Variants in MAGI2 observed in about 807,000 individuals in gnomAD.
MAGI2 encodes the protein membrane associated guanylate kinase, WW and PDZ domain containing 2, also known as membrane-associated guanylate kinase, WW and PDZ domain-containing protein 2.
A neutral mutation model predicts 133.3 loss-of-function variants in MAGI2; 35 were observed. The observed-to-expected ratio is 0.26, with a 90% CI of 0.20 to 0.35. MAGI2 has a LOEUF of 0.35. Ranked by LOEUF, MAGI2 falls within the 10% of genes least tolerant of loss-of-function variation. The pLI, the probability that MAGI2 is intolerant of heterozygous loss-of-function variation, is 1.00. For synonymous variants in MAGI2, 729 were observed against 710.6 expected (o/e 1.03, Z -0.41); for missense variants, 1,636 against 1,863.4 (o/e 0.88, Z 2.25).
chr7:79,302,396 T>C (rs2129559802), intron 1 of MAGI2, among the ~76,000 whole-genome samples: 1 of 152,256 alleles, frequency 6.6e-6, no homozygotes, highest in Non-Finnish European at 1.5e-5. Context: ...GCAGACATGA[T>C]ATCTTTTTTC....
intron 1 of MAGI2, among the ~76,000 whole-genome samples, chr7:79,045,073 T>C (rs1286164400): frequency 2.0e-5 from 3 of 152,210 alleles, no homozygotes; most frequent in Admixed American, 1.3e-4. Flanking sequence ...ATGAAGTACT[T>C]CTCAGGAACA....
intron 3 of MAGI2, among the ~76,000 whole-genome samples, chr7:78,601,002 AATATG>A (rs1156630292): frequency 6.6e-6 from 1 of 152,182 alleles, no homozygotes; most frequent in Non-Finnish European, 1.5e-5. Flanking sequence ...AACTTTTAAA[AATATG>A]TTATTTTGTC....
intron 1 of MAGI2, among the ~76,000 whole-genome samples, chr7:79,239,871 G>A (rs758993796): frequency 1.4e-4 from 21 of 152,100 alleles, no homozygotes; most frequent in Non-Finnish European, 2.8e-4. Flanking sequence ...CTTTTTCCAG[G>A]TGGCCCTCCT....
intron 1 of MAGI2, among the ~76,000 whole-genome samples, chr7:79,010,377 G>T (rs1202863612): frequency 2.0e-5 from 3 of 151,980 alleles, no homozygotes; most frequent in African/African-American, 7.2e-5. Flanking sequence ...CAGACATTGG[G>T]CAATGATGTC....
chr7:79,385,814 C>T (rs943461970), intron 1 of MAGI2, among the ~76,000 whole-genome samples: 30 of 151,858 alleles, frequency 2.0e-4, no homozygotes, highest in Admixed American at 5.3e-4. Context: ...TATTAGGGAT[C>T]TTTGTTAAAT....
intron 1 of MAGI2, among the ~76,000 whole-genome samples, chr7:79,357,924 T>C (rs1439894248): frequency 6.6e-6 from 1 of 152,172 alleles, no homozygotes; most frequent in Non-Finnish European, 1.5e-5. Flanking sequence ...CAAATAAAAT[T>C]ATTAAGCTGG....
intron 9 of MAGI2, among the ~76,000 whole-genome samples, chr7:78,310,667 T>C (rs565881056): frequency 5.3e-5 from 8 of 152,090 alleles, no homozygotes; most frequent in South Asian, 2.1e-4. Context: ...AGGTGGGAAA[T>C]TGAAAAGTTA....
chr7:79,195,841 G>A (rs1233160659), intron 1 of MAGI2, among the ~76,000 whole-genome samples: 1 of 151,704 alleles, frequency 6.6e-6, no homozygotes, highest in Non-Finnish European at 1.5e-5. Context: ...AGGACATTAT[G>A]TCAAGTGAAA....
chr7:78,800,012 C>T (rs1448168417), intron 2 of MAGI2, among the ~76,000 whole-genome samples: 2 of 152,082 alleles, frequency 1.3e-5, no homozygotes, highest in African/African-American at 4.8e-5. Flanking sequence ...GATATTTTAA[C>T]ACTTTATAGG....
intron 5 of MAGI2, among the ~76,000 whole-genome samples, chr7:78,490,756 A>G (rs770874247): frequency 6.6e-6 from 1 of 152,140 alleles, no homozygotes; most frequent in Non-Finnish European, 1.5e-5. Flanking sequence ...CATGGCTCAC[A>G]TAACTGCTCA....
intron 1 of MAGI2, among the ~76,000 whole-genome samples, chr7:79,106,247 A>G (rs1280262291): frequency 6.6e-6 from 1 of 152,182 alleles, no homozygotes. Flanking sequence ...CATTCTGGAA[A>G]GAGAAGGACA....
chr7:78,610,474 T>C (rs1806320722), intron 3 of MAGI2, among the ~76,000 whole-genome samples: 1 of 152,176 alleles, frequency 6.6e-6, no homozygotes, highest in South Asian at 2.1e-4. Context: ...TTGAATGATA[T>C]TGTTGCTTTC....
chr7:79,345,046 T>C (rs182763509), intron 1 of MAGI2, among the ~76,000 whole-genome samples: 239 of 152,208 alleles, frequency 1.6e-3, no homozygotes, highest in African/African-American at 5.5e-3. Flanking sequence ...TTAATACATA[T>C]TGTTATGGGT....
chr7:79,319,590 C>A (rs1156334114), intron 1 of MAGI2, among the ~76,000 whole-genome samples: 1 of 152,062 alleles, frequency 6.6e-6, no homozygotes, highest in Non-Finnish European at 1.5e-5. Context: ...CATCTCAACC[C>A]TTGAATTTGG....
At chr7:78,573,050 T>C (rs1801695502) in intron 3 of MAGI2, among the ~76,000 whole-genome samples, 1 of 94,462 alleles carries the variant, frequency 1.1e-5, no homozygotes, top group Non-Finnish European at 2.1e-5. Context: ...TATATATATA[T>C]ATATATATAT....
At chr7:78,225,356 A>AT (rs35976775) in intron 10 of MAGI2, among the ~76,000 whole-genome samples, 355 of 148,868 alleles carry the variant, frequency 2.4e-3, no homozygotes, top group Admixed American at 5.9e-3. Context: ...TTTATAGATA[A>AT]TTTTTTTTTT....
intron 1 of MAGI2, among the ~76,000 whole-genome samples, chr7:79,247,364 C>A (rs1324506035): frequency 6.6e-6 from 1 of 152,056 alleles, no homozygotes; most frequent in Non-Finnish European, 1.5e-5. Context: ...CCTGTAATCC[C>A]AGCACTTTGG....
At chr7:79,239,481 T>C (rs1832212155) in intron 1 of MAGI2, among the ~76,000 whole-genome samples, 1 of 152,224 alleles carries the variant, frequency 6.6e-6, no homozygotes, top group South Asian at 2.1e-4. Context: ...ATCAAAACTT[T>C]ACCGACCGTA....
intron 2 of MAGI2, among the ~76,000 whole-genome samples, chr7:78,640,089 A>T (rs1162515936): frequency 6.6e-6 from 1 of 152,146 alleles, no homozygotes; most frequent in Non-Finnish European, 1.5e-5. Context: ...GGGCAGCAGG[A>T]CTCAGTTTCT....
Sources: gnomAD v4.1 joint callset for allele counts (sites outside exome capture counted in the v4.1 genomes callset) on GRCh38, gnomAD v4.1.1 for gene constraint, MANE v1.5 for transcripts, NCBI Gene and HGNC (gene_info 2026-07-23, HGNC 2026-07-21) for gene names.